Variants in NBPF26 observed in about 807,000 individuals in gnomAD.
NBPF26 encodes the protein NBPF member 26, also known as NBPF family member NBPF26.
In NBPF26, 79 loss-of-function variants were observed where a neutral mutation model predicts 119.6. The ratio of observed to expected loss-of-function variants is 0.66; its 90% CI spans 0.55 to 0.80. The LOEUF (loss-of-function observed/expected upper bound fraction) is 0.80. Among genes scored for constraint, NBPF26 ranks in the 30% least tolerant of loss-of-function variants. NBPF26 has a pLI of 0.00. For synonymous variants in NBPF26, 299 were observed against 457.7 expected, an observed-to-expected ratio of 0.65 and a Z score of 4.43; for missense variants, 800 against 1,198.2, an observed-to-expected ratio of 0.67 and a Z score of 4.91.
chr1:120,808,551 T>A lies in NBPF26; in HGVS notation c.1071T>A (p.Tyr357Ter). The A allele has an allele frequency of 1.4e-6, 1 of 705,074 alleles. No individual in the cohort carries two copies. Among genetic ancestry groups the A allele is most frequent in the South Asian group, 1.5e-5 (1 of 67,684 alleles). The allele number at this position is 705,074 out of a possible 1,614,324, so 43.7% of individuals were successfully genotyped here. A position where few individuals can be genotyped will look rare whatever the true frequency, so the allele number is the denominator to read the frequency against. Residue 357 changes from tyrosine (Y) to a stop codon, truncating the protein, a stop_gained, in exon 7 of 30, where the codon TAT becomes TAA. Coordinates refer to ENST00000620612, the Ensembl canonical transcript of NBPF26. LOFTEE classifies it high-confidence loss of function. ...CTCTACCGTCTCACCTTAGGCAATA[T>A]AAAGTCCTGGTTCACTCTCAGGAAC...
intron 4 of NBPF26, among the ~76,000 whole-genome samples, chr1:120,804,311 C>A (rs1432990366): frequency 2.8e-5 from 3 of 108,348 alleles, no homozygotes; most frequent in Non-Finnish European, 5.2e-5. Context: ...CCTCTCACCT[C>A]AAACTCACCT....
rs1553273373 is a variant in NBPF26, at chr1:120,840,292, G to C, written c.4104-58G>C. The C allele has an allele frequency of 3.8e-4, 551 of 1,443,514 alleles. 120 individuals are homozygous for C. The highest frequency in any genetic ancestry group is 4.5e-4 in the Non-Finnish European group (491 of 1,081,762). 89.4% of individuals were successfully genotyped at this position (1,443,514 alleles called of 1,614,324 possible). A position where few individuals can be genotyped will look rare whatever the true frequency, so the allele number is the denominator to read the frequency against. On this transcript the variant is annotated intron_variant, in intron 29 of 29. Coordinates refer to ENST00000620612, the Ensembl canonical transcript of NBPF26. ...CTTATGTTACTTCTGAAATCTAGTG[G>C]GGCTCTGTGGTGTCCGATTTTCCCT...
In NBPF26 at chr1:120,840,554, C is replaced by A. The variant is rs201667431; in HGVS notation, c.4308C>A (p.Leu1436=). 4.1e-6 allele frequency: 6 copies of A among 1,466,864 alleles called. 1 individual carries two copies. Among genetic ancestry groups the A allele is most frequent in the Non-Finnish European group, 5.5e-6 (6 of 1,085,716 alleles). 90.9% of individuals were successfully genotyped at this position (1,466,864 alleles called of 1,614,324 possible). ...TTTTTACTTTGACGGTGACAAGTCT[C>A]CACCTGGTGTTCCAGATGGGAGTCA... is the stretch of plus-strand genomic sequence containing the variant. Residue 1436 remains leucine (L), a synonymous_variant, in exon 30 of 30, where the codon CTC becomes CTA. Transcript: ENST00000620612.
chr1:120,838,469 C>G (rs1652445944), intron 27 of NBPF26, among the ~76,000 whole-genome samples: 1 of 57,984 alleles, frequency 1.7e-5, no homozygotes, highest in Non-Finnish European at 3.1e-5. Context: ...AGTGTGTCAC[C>G]TGGACAATTC....
At position 120,781,909 on chromosome 1, in the gene NBPF26, G is replaced by A. The variant is rs1176941323; in HGVS notation, c.156-3065G>A. ...GCTTCGAGTTCCTCATATATAAAATGGAGATTATAATATAGCACTGGAGCG... is the reference window on the plus strand; with the variant it reads ...GCTTCGAGTTCCTCATATATAAAATAGAGATTATAATATAGCACTGGAGCG... On this transcript the variant is annotated intron_variant, in intron 2 of 29. Coordinates refer to ENST00000620612, the Ensembl canonical transcript of NBPF26. 3.6e-5 allele frequency among the ~76,000 whole-genome samples: 4 copies of A among 111,468 alleles called. 2 individuals are homozygous for A. The highest frequency in any genetic ancestry group is 6.8e-5 in the Non-Finnish European group (4 of 59,154). The allele number at this position is 111,468 out of a possible 152,430, so 73.1% of individuals were successfully genotyped here. A position where few individuals can be genotyped will look rare whatever the true frequency, so the allele number is the denominator to read the frequency against.
intron 7 of NBPF26, among the ~76,000 whole-genome samples, chr1:120,809,223 G>A (rs1228694824): frequency 4.8e-5 from 7 of 146,346 alleles, no homozygotes; most frequent in African/African-American, 1.9e-4. Flanking sequence ...CCAAATATGG[G>A]AACACTTACG....
Position 120,814,971 on chromosome 1 carries a change from G to T in NBPF26, c.2020G>T (p.Gly674Trp). 11 of 1,088,414 alleles carry T rather than the reference G, an allele frequency of 1.0e-5. 2 individuals are homozygous for T. The South Asian group carries it at 1.4e-4, about 14-fold the overall frequency. 67.4% of individuals were successfully genotyped at this position (1,088,414 alleles called of 1,614,324 possible). Residue 674 changes from glycine (G) to tryptophan (W), a missense_variant, in exon 12 of 30, where the codon GGG (glycine) becomes TGG (tryptophan). Physicochemically the swap from Gly to Trp is radical, Grantham distance 184. Coordinates refer to ENST00000620612, the Ensembl canonical transcript of NBPF26. ...TCCGGATGAGCCGGACAAGTCCCAG[G>T]GGCAGGACCTCCAAGAACAGCTGGC...
chr1:120,813,265 G>A (rs1483316056), intron 10 of NBPF26, among the ~76,000 whole-genome samples: 2 of 122,244 alleles, frequency 1.6e-5, no homozygotes, highest in Non-Finnish European at 3.2e-5. Context: ...TATTGGCACA[G>A]AGTAAACACT....
chr1:120,769,347 G>A (rs1651234592), intron 2 of NBPF26, among the ~76,000 whole-genome samples: 2 of 150,080 alleles, frequency 1.3e-5, no homozygotes, highest in Admixed American at 1.3e-4. Flanking sequence ...AGTGCATTCA[G>A]GGAGGCACAG....
intron 1 of NBPF26, among the ~76,000 whole-genome samples, chr1:120,727,001 G>A (rs2101339023): frequency 1.8e-5 from 2 of 113,268 alleles, no homozygotes; most frequent in East Asian, 4.3e-4. Flanking sequence ...ATGGTTCAGA[G>A]CAGCCTTACA....
rs2101521104 is a variant in NBPF26 at position 120,815,469 on chromosome 1, T to G, written c.2092+426T>G. On this transcript the variant is annotated intron_variant, in intron 12 of 29. Coordinates refer to ENST00000620612, the Ensembl canonical transcript of NBPF26. ...CTCTCTCCGTGGCAGACAAATTGTC[T>G]CTTGCAAGTGTCTGAAGCATTCAAA... Among the ~76,000 whole-genome samples, 2 of 103,020 alleles carry G rather than the reference T, an allele frequency of 1.9e-5. 1 individual carries two copies. Among genetic ancestry groups the G allele is most frequent in the South Asian group, 5.6e-4 (2 of 3,596 alleles). 67.6% of individuals were successfully genotyped at this position (103,020 alleles called of 152,430 possible). A position where few individuals can be genotyped will look rare whatever the true frequency, so the allele number is the denominator to read the frequency against.
At chr1:120,833,142 C>T (rs1652393377) in intron 23 of NBPF26, among the ~76,000 whole-genome samples, 159 bp downstream of exon 27, 2 of 116,984 alleles carry the variant, frequency 1.7e-5, no homozygotes, top group Non-Finnish European at 3.3e-5. Flanking sequence ...TTTAGGTTTC[C>T]ATTTCTTCCT....
At position 120,790,480 on chromosome 1, in the gene NBPF26, AC is replaced by A. The variant is rs1377781803; in HGVS notation, c.416-2680del. ...GCAGAGGCAGCAAGTTAGTGCCTAT[AC>A]ATAATATATATGGAAACCAAATTCA... On this transcript the variant is annotated intron_variant, in intron 3 of 29. Transcript: ENST00000620612. Among the ~76,000 whole-genome samples the A allele has an allele frequency of 6.0e-5, 7 of 116,608 alleles. 3 individuals are homozygous for A. The highest frequency in any genetic ancestry group is 3.5e-4 in the African/African-American group (7 of 19,842). The allele number at this position is 116,608 out of a possible 152,430, so 76.5% of individuals were successfully genotyped here. A position where few individuals can be genotyped will look rare whatever the true frequency, so the allele number is the denominator to read the frequency against.
At chr1:120,724,404 C>T (rs1650792044) in intron 1 of NBPF26, among the ~76,000 whole-genome samples, 154 bp downstream of exon 1, 1 of 120,340 alleles carries the variant, frequency 8.3e-6, no homozygotes, top group Non-Finnish European at 1.6e-5. Flanking sequence ...GTTTGGACAT[C>T]GCCGGGGGCC....
In NBPF26 at chr1:120,739,197, GT is replaced by G. The variant is rs1199144303; in HGVS notation, c.73+14954del. ...ACAGAACAAGCATAAAGACAAGCTT[GT>G]TTTTTTCCTTTTCTGTGGATTTGTT... On this transcript the variant is annotated intron_variant, in intron 1 of 29. Coordinates refer to ENST00000620612, the Ensembl canonical transcript of NBPF26. 2.8e-5 allele frequency among the ~76,000 whole-genome samples: 2 copies of G among 70,616 alleles called. 1 individual carries two copies. Among genetic ancestry groups the G allele is most frequent in the Non-Finnish European group, 5.0e-5 (2 of 39,996 alleles). 46.3% of individuals were successfully genotyped at this position (70,616 alleles called of 152,430 possible).
rs1276244780 is a variant in NBPF26 at position 120,833,995 on chromosome 1, G to A, written c.3544+220G>A. ...CTTCCTAGTCTCAGGCCATGCCTGT[G>A]GCACCCTAATCCCACTCTCATGACA... On this transcript the variant is annotated intron_variant, in intron 24 of 29. Coordinates refer to ENST00000620612, the Ensembl canonical transcript of NBPF26. 5.7e-5 allele frequency among the ~76,000 whole-genome samples: 2 copies of A among 34,894 alleles called. 1 individual carries two copies. Among genetic ancestry groups the A allele is most frequent in the Admixed American group, 4.9e-4 (2 of 4,062 alleles). 22.9% of individuals were successfully genotyped at this position (34,894 alleles called of 152,430 possible).
rs1249162881 is a variant in NBPF26 at position 120,794,143 on chromosome 1, G to C, written c.751+647G>C. On this transcript the variant is annotated intron_variant, in intron 4 of 29. Coordinates refer to ENST00000620612, the Ensembl canonical transcript of NBPF26. Reference sequence around the variant, plus strand: ...ATGAGCTGATAGATGATATATGAGAGACTATGTGTGGCACAATACTTTGTT... The same window carrying C: ...ATGAGCTGATAGATGATATATGAGACACTATGTGTGGCACAATACTTTGTT... Among the ~76,000 whole-genome samples, 9 of 113,754 alleles carry C rather than the reference G, an allele frequency of 7.9e-5. 2 individuals are homozygous for C. The East Asian group carries it at 1.9e-3, about 24-fold the overall frequency. The allele number at this position is 113,754 out of a possible 152,430, so 74.6% of individuals were successfully genotyped here. A position where few individuals can be genotyped will look rare whatever the true frequency, so the allele number is the denominator to read the frequency against.
At chr1:120,763,673 T>C in exon 2 of NBPF26, 1 of 1,419,808 alleles carries the variant, frequency 7.0e-7, no homozygotes, top group Non-Finnish European at 9.4e-7. Flanking sequence ...AATAAAGGAA[T>C]GTGTGTTACC....
intron 1 of NBPF26, among the ~76,000 whole-genome samples, chr1:120,763,123 C>T (rs1651151202): frequency 2.3e-5 from 1 of 42,828 alleles, no homozygotes. Context: ...CTGGTGCATA[C>T]TAGGCTCTCA....
Sources: gnomAD v4.1 joint callset for allele counts (sites outside exome capture counted in the v4.1 genomes callset) on GRCh38, gnomAD v4.1.1 for gene constraint, MANE v1.5 for transcripts, NCBI Gene and HGNC (gene_info 2026-07-23, HGNC 2026-07-21) for gene names.